The following TGIF1 variants were observed in gnomAD, a reference collection of about 807,000 sequenced individuals.
TGIF1 encodes the protein homeobox protein TGIF1.
A neutral mutation model predicts 19.3 loss-of-function variants in TGIF1; 4 were observed. The ratio of observed to expected loss-of-function variants is 0.21; its 90% CI spans 0.10 to 0.47. The LOEUF (loss-of-function observed/expected upper bound fraction) is 0.47. TGIF1 is among the 20% of genes least tolerant of loss of function. TGIF1 has a pLI of 0.98. For missense variants in TGIF1, 275 were observed against 341.4 expected (o/e 0.81, Z 1.53); for synonymous variants, 122 against 129.3 (o/e 0.94, Z 0.38).
At chr18:3,449,319 T>C, upstream of TGIF1, 1 of 919,276 alleles carries the variant, frequency 1.1e-6, no homozygotes, top group Non-Finnish European at 1.3e-6. Flanking sequence ...GCTATAAAAG[T>C]GGCCGCTGCC....
At chr18:3,420,353 A>T (rs2082385795) in intron 2 of TGIF1, among the ~76,000 whole-genome samples, 1 of 152,128 alleles carries the variant, frequency 6.6e-6, no homozygotes, top group African/African-American at 2.4e-5. Context: ...ACTGCACTCC[A>T]GCCTGGGCAA....
At chr18:3,453,144 C>T (rs2083039116) in intron 1 of TGIF1, among the ~76,000 whole-genome samples, 1 of 151,946 alleles carries the variant, frequency 6.6e-6, no homozygotes, top group African/African-American at 2.4e-5. Flanking sequence ...GGCTATGTTG[C>T]CCAGGCTGGT....
At chr18:3,452,743 AGACTCCT>A (rs1488142534) in intron 1 of TGIF1, among the ~76,000 whole-genome samples, 4 of 152,188 alleles carry the variant, frequency 2.6e-5, no homozygotes, top group Non-Finnish European at 4.4e-5. Context: ...GGCTCTGGAA[AGACTCCT>A]GAGGAAGTCG....
At chr18:3,433,567 G>A (rs182184817) in intron 2 of TGIF1, among the ~76,000 whole-genome samples, 40 of 152,308 alleles carry the variant, frequency 2.6e-4, no homozygotes, top group Non-Finnish European at 4.6e-4. Flanking sequence ...ATTCATGGAG[G>A]TTAAGACGGA....
intron 2 of TGIF1, among the ~76,000 whole-genome samples, chr18:3,437,061 C>T (rs1457497851): frequency 2.6e-5 from 4 of 151,218 alleles, no homozygotes; most frequent in Non-Finnish European, 5.9e-5. Flanking sequence ...GCCGAGATTG[C>T]GCCACTGCAC....
chr18:3,449,299 T>A, upstream of TGIF1: 1 of 713,420 alleles, frequency 1.4e-6, no homozygotes, highest in Non-Finnish European at 1.7e-6. Flanking sequence ...CACGGCGTGG[T>A]CACCCCTTAG....
chr18:3,445,580 C>T (rs1188499855), upstream of TGIF1, among the ~76,000 whole-genome samples: 6 of 151,018 alleles, frequency 4.0e-5, no homozygotes, highest in East Asian at 1.9e-4. Flanking sequence ...AAAAATTAGA[C>T]GGGCGTGGTG....
intron 2 of TGIF1, among the ~76,000 whole-genome samples, chr18:3,437,604 T>C (rs1209108283): frequency 6.6e-6 from 1 of 152,194 alleles, no homozygotes; most frequent in Non-Finnish European, 1.5e-5. Flanking sequence ...GCAATTTTCG[T>C]ATGAAAAACA....
chr18:3,426,916 CTTTTTT>C (rs545236407), intron 2 of TGIF1, among the ~76,000 whole-genome samples: 8 of 100,074 alleles, frequency 8.0e-5, no homozygotes, highest in Non-Finnish European at 1.2e-4. Flanking sequence ...AGGATGATCT[CTTTTTT>C]TTTTTTTTTT....
upstream of TGIF1, chr18:3,448,418 G>C (rs2082789879): frequency 1.0e-6 from 1 of 995,150 alleles, no homozygotes. Context: ...GTCCCGCACC[G>C]GGCGCAGCAG....
chr18:3,438,706 G>C (rs2082646196), intron 2 of TGIF1, among the ~76,000 whole-genome samples: 1 of 151,666 alleles, frequency 6.6e-6, no homozygotes, highest in African/African-American at 2.4e-5. Context: ...TGTTCCTGGA[G>C]ATCTCAAAGT....
intron 2 of TGIF1, among the ~76,000 whole-genome samples, chr18:3,444,381 G>C (rs1226877763): frequency 6.6e-6 from 1 of 151,264 alleles, no homozygotes; most frequent in Non-Finnish European, 1.5e-5. Context: ...CATGTCACAG[G>C]GTTTGTTGTA....
upstream of TGIF1, chr18:3,449,391 C>A (rs2082825834): frequency 3.0e-6 from 3 of 985,472 alleles, no homozygotes; most frequent in Non-Finnish European, 3.6e-6. Context: ...GCCCGGCCGT[C>A]CCCGGGCAGA....
At chr18:3,435,319 C>T (rs990314288) in intron 2 of TGIF1, among the ~76,000 whole-genome samples, 13 of 152,022 alleles carry the variant, frequency 8.6e-5, no homozygotes, top group Non-Finnish European at 1.8e-4. Flanking sequence ...GCCTCAGCCT[C>T]CCAAGTAGCT....
chr18:3,451,940 G>A lies in TGIF1; in HGVS notation c.16+1435G>A, dbSNP rs2082955107. On this transcript the variant is annotated intron_variant, in intron 1 of 2. Coordinates refer to ENST00000343820, the MANE Select transcript of TGIF1 (RefSeq NM_003244.4). This position sits in a 1 kb window ranked among gnomAD's most constrained non-coding sequence, Gnocchi z 5.4. The stretch of plus-strand genomic sequence containing the variant: ...AGAGACACGCGCTGTCTGTTGTGGT[G>A]GGCCTCCCGGGAATAAGTGAGGGGC... 2 of 1,547,396 alleles carry A rather than the reference G, an allele frequency of 1.3e-6. No homozygotes were observed. Among genetic ancestry groups the A allele is most frequent in the South Asian group, 1.2e-5 (1 of 80,636 alleles).
upstream of TGIF1, among the ~76,000 whole-genome samples, chr18:3,447,098 G>A (rs765607750): frequency 5.3e-5 from 8 of 152,176 alleles, no homozygotes; most frequent in Non-Finnish European, 1.0e-4. Flanking sequence ...TTTGCAGGCT[G>A]TGAAAAGTAA....
chr18:3,458,007 G>T lies in TGIF1; in HGVS notation c.*67G>T, dbSNP rs1166317308. On this transcript the variant is annotated 3_prime_UTR_variant, in exon 3 of 3. Transcript: ENST00000343820. ...CCGGGGTGAAGGCAAGAGATGAATT[G>T]CATTATTTTATATATTTTTTATTAA... 9 of 1,394,282 alleles carry T rather than the reference G, an allele frequency of 6.5e-6. No individual in the cohort carries two copies. The highest frequency in any genetic ancestry group is 1.8e-5 in the Admixed American group (1 of 54,838). The allele number at this position is 1,394,282 out of a possible 1,614,324, so 86.4% of individuals were successfully genotyped here. A position where few individuals can be genotyped will look rare whatever the true frequency, so the allele number is the denominator to read the frequency against.
chr18:3,447,180 T>C (rs2082758926), upstream of TGIF1, among the ~76,000 whole-genome samples: 2 of 152,156 alleles, frequency 1.3e-5, no homozygotes, highest in Admixed American at 1.3e-4. Context: ...AAAGGAACTA[T>C]GTGTGCCTGG....
chr18:3,450,008 C>T, upstream of TGIF1: 2 of 990,150 alleles, frequency 2.0e-6, no homozygotes, highest in Non-Finnish European at 2.4e-6. Context: ...GCGTCCGCAC[C>T]GCCGCCCCCG....
Sources: gnomAD v4.1 joint callset for allele counts (sites outside exome capture counted in the v4.1 genomes callset) on GRCh38, gnomAD v4.1.1 for gene constraint, Gnocchi (gnomAD v3.1) non-coding constraint, MANE v1.5 for transcripts, NCBI Gene and HGNC (gene_info 2026-07-23, HGNC 2026-07-21) for gene names.